The following TPRG1 variants were observed in gnomAD, a reference collection of about 807,000 sequenced individuals.
TPRG1 encodes tumor protein p63-regulated gene 1 protein.
In TPRG1, 29 loss-of-function variants were observed where a neutral mutation model predicts 29.3. That is an observed-to-expected ratio of 0.99 (90% CI 0.74 to 1.35). TPRG1 has a LOEUF of 1.35. Ranked by LOEUF, TPRG1 falls within the 40% of genes most tolerant of loss-of-function variation. The pLI is 0.00. For synonymous variants in TPRG1, 130 were observed against 116.8 expected (o/e 1.11, Z -0.73); for missense variants, 327 against 335.0 (o/e 0.98, Z 0.19).
chr3:189,031,304 AAAAATT>A, intron 4 of TPRG1, among the ~76,000 whole-genome samples: 1 of 5,296 alleles, frequency 1.9e-4, no homozygotes, highest in East Asian at 0.019. Context: ...AAAAAAAAAG[AAAAATT>A]AAAAGGGACA....
At chr3:189,107,085 A>G (rs886615181) in intron 1 of TPRG1, among the ~76,000 whole-genome samples, 2 of 152,064 alleles carry the variant, frequency 1.3e-5, no homozygotes, top group African/African-American at 4.8e-5. Context: ...TTTAAACAGA[A>G]TTTTACTGTT....
chr3:189,226,672 ATAAGAATAGCAAT>A (rs993859182), intron 3 of TPRG1, among the ~76,000 whole-genome samples: 26 of 150,800 alleles, frequency 1.7e-4, no homozygotes, highest in Admixed American at 5.3e-4. Flanking sequence ...AATAACTTAG[ATAAGAATAGCAAT>A]CAATGAAAAA....
At chr3:189,114,089 A>G (rs1017081313) in intron 1 of TPRG1, among the ~76,000 whole-genome samples, 1 of 152,154 alleles carries the variant, frequency 6.6e-6, no homozygotes, top group Non-Finnish European at 1.5e-5. Context: ...CAGCTAAAAT[A>G]CCAGAACCCC....
rs770272062 is a variant in TPRG1, at chr3:189,215,313, A to G, written c.232A>G (p.Met78Val). 4 of 1,612,596 alleles carry G rather than the reference A, an allele frequency of 2.5e-6. No homozygotes were observed. The highest frequency in any genetic ancestry group is 2.5e-6 in the Non-Finnish European group (3 of 1,179,428). The change falls in exon 3 of 6, where the codon ATG becomes GTG. Residue 78 changes from methionine (M) to valine (V), a missense_variant. Transcript: ENST00000345063. ...ATRPGAIETA[M>V]EDLKGHVAET... is the part of the protein sequence containing the mutation. ...ACAGCCGGGGGCCATTGAGACTGCC[A>G]TGGAAGACTTGAAAGGTCACGTAGC...
At chr3:189,195,365 G>A (rs536472258) in intron 1 of TPRG1, among the ~76,000 whole-genome samples, 6 of 152,282 alleles carry the variant, frequency 3.9e-5, no homozygotes, top group African/African-American at 1.4e-4. Context: ...AAGGCAGCGG[G>A]AGTGGTAGGT....
chr3:189,315,518 A>T (rs1262938662), intron 5 of TPRG1: 1 of 455,948 alleles, frequency 2.2e-6, no homozygotes, highest in African/African-American at 2.0e-5. Flanking sequence ...GCTGGGAAGG[A>T]TGAGTACTGA....
chr3:189,243,381 G>A (rs1342443179), intron 4 of TPRG1, among the ~76,000 whole-genome samples: 1 of 152,150 alleles, frequency 6.6e-6, no homozygotes, highest in Non-Finnish European at 1.5e-5. Flanking sequence ...TAACACTGGG[G>A]GTTTAGTCCT....
intron 4 of TPRG1, among the ~76,000 whole-genome samples, chr3:189,088,952 A>G (rs1718148070): frequency 6.6e-6 from 1 of 151,216 alleles, no homozygotes; most frequent in South Asian, 2.1e-4. Flanking sequence ...TCTGTCAGAT[A>G]TATGTGTATC....
chr3:189,033,059 GTCTCTTTAGGAAA>G (rs1457124501), intron 4 of TPRG1, among the ~76,000 whole-genome samples: 1 of 152,150 alleles, frequency 6.6e-6, no homozygotes, highest in Non-Finnish European at 1.5e-5. Context: ...GAAAGATAAT[GTCTCTTTAGGAAA>G]TCTCTTTAGG....
rs200696189 is a variant in TPRG1, at chr3:189,224,928, T to C, written c.302+9545T>C. ...AGCCACCTATAGGTGTCTCTTCCTT[T>C]TTCTTTTTTTTTTTTTTTTTTGAGA... On this transcript the variant is annotated intron_variant, in intron 3 of 5. Coordinates refer to ENST00000345063, the MANE Select transcript of TPRG1 (RefSeq NM_198485.4). Among the ~76,000 whole-genome samples, 916 of 144,078 alleles carry C rather than the reference T, an allele frequency of 6.4e-3. 12 individuals carry two copies. The highest frequency in any genetic ancestry group is 0.023 in the African/African-American group (892 of 39,624). 94.5% of individuals were successfully genotyped at this position (144,078 alleles called of 152,430 possible).
At chr3:189,289,171 T>A (rs1213301858) in intron 4 of TPRG1, among the ~76,000 whole-genome samples, 1 of 152,216 alleles carries the variant, frequency 6.6e-6, no homozygotes, top group Non-Finnish European at 1.5e-5. Context: ...ACTCATCATC[T>A]TTCCCCTATA....
Position 189,190,691 on chromosome 3 carries a change from T to A in TPRG1, c.-9-16685T>A, listed in dbSNP as rs575909603. On this transcript the variant is annotated intron_variant, in intron 1 of 5. Coordinates refer to ENST00000345063, the MANE Select transcript of TPRG1 (RefSeq NM_198485.4). ...TTTTTCATTTAATCTTCACAAAAAT[T>A]GTGTAGAGTAAGCAGGCCTGGCATC... Among the ~76,000 whole-genome samples, 100 of 152,302 alleles carry A rather than the reference T, an allele frequency of 6.6e-4. 1 individual carries two copies. Among genetic ancestry groups the A allele is most frequent in the African/African-American group, 2.4e-3 (99 of 41,578 alleles).
chr3:189,191,087 T>TGA, intron 1 of TPRG1: 2 of 458,242 alleles, frequency 4.4e-6, no homozygotes, highest in Non-Finnish European at 5.7e-6. Context: ...AATATACATG[T>TGA]ATTCTTACTT....
At chr3:189,021,073 C>G (rs1227681179) in intron 3 of TPRG1, among the ~76,000 whole-genome samples, 51 of 145,502 alleles carry the variant, frequency 3.5e-4, no homozygotes, top group African/African-American at 1.3e-3. Flanking sequence ...TTTTTGTTTT[C>G]CATTTGCTTG....
At position 189,227,890 on chromosome 3, in the gene TPRG1, G is replaced by C. The variant is rs181137888; in HGVS notation, c.303-10843G>C. 4.2e-3 allele frequency among the ~76,000 whole-genome samples: 641 copies of C among 152,290 alleles called. 5 individuals are homozygous for C. Among genetic ancestry groups the C allele is most frequent in the African/African-American group, 0.015 (617 of 41,546 alleles). ...TAATCCCAGCACTTTGAAAGGCTGA[G>C]GTGGGCAGATTGCCAGAGCTCAGGA... On this transcript the variant is annotated intron_variant, in intron 3 of 5. Transcript: ENST00000345063.
Position 189,031,151 on chromosome 3 carries a change from C to T in TPRG1, c.-463+7205C>T, listed in dbSNP as rs549915783. 3.9e-5 allele frequency among the ~76,000 whole-genome samples: 6 copies of T among 152,158 alleles called. No homozygotes were observed. The South Asian group carries it at 6.2e-4, about 16-fold the overall frequency. The stretch of plus-strand genomic sequence containing the variant: ...CAACAACAACAAAAAATTATCCAGA[C>T]GTGGTGTCAGGTGCCTGTAATCCCA... On this transcript the variant is annotated intron_variant, in intron 4 of 10. Coordinates refer to the TPRG1 transcript ENST00000433971.
At chr3:189,313,874 G>A (rs1000435264) in intron 5 of TPRG1, among the ~76,000 whole-genome samples, 1 of 152,156 alleles carries the variant, frequency 6.6e-6, no homozygotes, top group African/African-American at 2.4e-5. Flanking sequence ...ATGAGAGTAT[G>A]CAGAAGGTTC....
intron 3 of TPRG1, among the ~76,000 whole-genome samples, chr3:189,217,082 T>C (rs1264898061): frequency 6.6e-6 from 1 of 152,248 alleles, no homozygotes. Flanking sequence ...AAATATGCTT[T>C]TTTTGTTTGC....
At chr3:189,115,693 T>C (rs1039964580) in intron 1 of TPRG1, among the ~76,000 whole-genome samples, 1 of 152,166 alleles carries the variant, frequency 6.6e-6, no homozygotes, top group Non-Finnish European at 1.5e-5. Context: ...CTCTAAATTG[T>C]ATTAGGTATT....
Sources: gnomAD v4.1 joint callset for allele counts (sites outside exome capture counted in the v4.1 genomes callset) on GRCh38, gnomAD v4.1.1 for gene constraint, MANE v1.5 for transcripts, NCBI Gene and HGNC (gene_info 2026-07-23, HGNC 2026-07-21) for gene names.